The following CNOT1 variants were observed in gnomAD, a reference collection of about 807,000 sequenced individuals.
The protein encoded by CNOT1 is CCR4-NOT transcription complex subunit 1.
Under a neutral mutation model 273.8 loss-of-function variants are expected in CNOT1, and 15 were observed. The observed-to-expected ratio is 0.05, with a 90% CI of 0.04 to 0.08. CNOT1 has a LOEUF of 0.08. CNOT1 is among the 10% of genes least tolerant of loss of function. CNOT1 has a pLI of 1.00. For missense variants in CNOT1, 1,644 were observed against 2,912.2 expected (o/e 0.56, Z 10.02); for synonymous variants, 1,022 against 1,005.5 (o/e 1.02, Z -0.31).
chr16:58,534,028 G>A, intron 40 of CNOT1, 119 bp downstream of exon 40: 1 of 1,156,924 alleles, frequency 8.6e-7, no homozygotes, highest in Non-Finnish European at 1.1e-6. Flanking sequence ...AGGCACTCCA[G>A]CCTGGGTGAC....
At chr16:58,628,856 C>T (rs2043696452) in intron 1 of CNOT1, among the ~76,000 whole-genome samples, 1 of 152,200 alleles carries the variant, frequency 6.6e-6, no homozygotes. Context: ...TATCTGTGAG[C>T]CCTCTTGGGT....
intron 1 of CNOT1, among the ~76,000 whole-genome samples, chr16:58,616,856 T>A (rs2043104654): frequency 6.6e-6 from 1 of 152,188 alleles, no homozygotes; most frequent in African/African-American, 2.4e-5. Context: ...TGTGCCATTG[T>A]AAAACTAAAA....
Position 58,520,238 on chromosome 16 carries a change from G to GGGGGTGAGGGTA in CNOT1, c.*708_*719dup, listed in dbSNP as rs2039320815. ...TTTTTAAGTTTCAGGAGAGGATTGGGGGGGTGAGGGTAGGGGTGGGCTTTA... is the reference window on the plus strand; with the variant it reads ...TTTTTAAGTTTCAGGAGAGGATTGGGGGGGTGAGGGTAGGGGTGAGGGTAGGGGTGGGCTTTA... On this transcript the variant is annotated 3_prime_UTR_variant, in exon 49 of 49. Transcript: ENST00000317147. 1.1e-5 allele frequency: 1 copy of GGGGGTGAGGGTA among 94,542 alleles called. No individual in the cohort carries two copies. The highest frequency in any genetic ancestry group is 2.0e-5 in the Non-Finnish European group (1 of 50,286). 5.9% of individuals were successfully genotyped at this position (94,542 alleles called of 1,614,324 possible). A position where few individuals can be genotyped will look rare whatever the true frequency, so the allele number is the denominator to read the frequency against.
intron 46 of CNOT1, among the ~76,000 whole-genome samples, chr16:58,524,682 T>C (rs1383486968): frequency 6.6e-6 from 1 of 152,116 alleles, no homozygotes; most frequent in Non-Finnish European, 1.5e-5. Flanking sequence ...CTCTATTTTA[T>C]AAGATAAATA....
rs1336343029 is a variant in CNOT1 at position 58,588,848 on chromosome 16, T to C, written c.161A>G (p.His54Arg). Residue 54 changes from histidine to arginine, a missense_variant, in exon 3 of 49, where the codon CAT (histidine) becomes CGT (arginine). Coordinates refer to ENST00000317147, the MANE Select transcript of CNOT1 (RefSeq NM_016284.5). ...TTTACCATCGCCACTGAAATCCACATGCGAAAATAGGCAGCGTAATAAATG... is the reference window on the plus strand; with the variant it reads ...TTTACCATCGCCACTGAAATCCACACGCGAAAATAGGCAGCGTAATAAATG... The part of the protein sequence containing the change: ...DRHLLRCLFS[H>R]VDFSGDGKSS... 1.2e-6 allele frequency: 2 copies of C among 1,613,720 alleles called. No homozygotes were observed. The highest frequency in any genetic ancestry group is 1.7e-6 in the Non-Finnish European group (2 of 1,179,970).
At chr16:58,532,977 A>C (rs896742938) in intron 40 of CNOT1, 1 of 153,384 alleles carries the variant, frequency 6.5e-6, no homozygotes, top group Non-Finnish European at 1.5e-5. Context: ...CCAATGACTA[A>C]TATCACTCAT....
chr16:58,601,674 T>A (rs371571332), intron 1 of CNOT1, among the ~76,000 whole-genome samples: 1 of 148,240 alleles, frequency 6.7e-6, no homozygotes, highest in Admixed American at 6.9e-5. Flanking sequence ...GTATAAAGGA[T>A]ACATAGTTTT....
intron 15 of CNOT1, 75 bp downstream of exon 15, chr16:58,574,932 T>C: frequency 6.3e-7 from 1 of 1,577,888 alleles, no homozygotes; most frequent in Non-Finnish European, 8.6e-7. Flanking sequence ...CTGCACAAAT[T>C]TTAAAAGTTG....
intron 16 of CNOT1, among the ~76,000 whole-genome samples, chr16:58,563,614 C>T (rs1357893821): frequency 6.6e-6 from 1 of 152,146 alleles, no homozygotes; most frequent in African/African-American, 2.4e-5. Context: ...ACAAGAGGTC[C>T]TCTGAAGCTT....
chr16:58,558,437 A>T (rs1424304855), intron 18 of CNOT1, 36 bp downstream of exon 18: 2 of 1,611,818 alleles, frequency 1.2e-6, no homozygotes, highest in Non-Finnish European at 1.7e-6. Context: ...AGGCAAACTT[A>T]TGAATAATCC....
intron 10 of CNOT1, among the ~76,000 whole-genome samples, chr16:58,582,490 T>C (rs1053914725): frequency 6.6e-6 from 1 of 152,210 alleles, no homozygotes; most frequent in African/African-American, 2.4e-5. Context: ...TTCAATATTT[T>C]AGTAGAGGTA....
chr16:58,587,651 A>G, intron 4 of CNOT1, 129 bp downstream of exon 4: 2 of 1,178,648 alleles, frequency 1.7e-6, no homozygotes, highest in Non-Finnish European at 2.3e-6. Context: ...GTTACAAACT[A>G]TAAAAGACAC....
rs148602852 is a variant in CNOT1, at chr16:58,549,776, C to T, written c.3465G>A (p.Thr1155=). The T allele has an allele frequency of 1.2e-5, 19 of 1,613,578 alleles. No individual in the cohort carries two copies. Among genetic ancestry groups the T allele is most frequent in the African/African-American group, 5.3e-5 (4 of 74,870 alleles). Residue 1155 remains threonine, a synonymous_variant, in exon 25 of 49, where the codon ACG becomes ACA. Transcript: ENST00000317147. ...FHSLYSNFLD[T]LKNPEFNKMV... Reference sequence around the variant, plus strand: ...TCTTGTTAAATTCAGGATTCTTCAGCGTGTCAAGGAAGTTTGAATACAGGC... The same window carrying T: ...TCTTGTTAAATTCAGGATTCTTCAGTGTGTCAAGGAAGTTTGAATACAGGC...
rs566987815 is a variant in CNOT1 at position 58,572,214 on chromosome 16, C to T, written c.1979+2395G>A. ...AGGAGAATCACTTGAACCCAGGAGGCGGAGGGTTGCGGTGAGCCGAGATCA... is the reference window on the plus strand; with the variant it reads ...AGGAGAATCACTTGAACCCAGGAGGTGGAGGGTTGCGGTGAGCCGAGATCA... On this transcript the variant is annotated intron_variant, in intron 16 of 48. Transcript: ENST00000317147. Among the ~76,000 whole-genome samples, 9 of 151,070 alleles carry T rather than the reference C, an allele frequency of 6.0e-5. No homozygotes were observed. In the South Asian group the frequency reaches 1.9e-3, roughly 32 times the overall value.
intron 25 of CNOT1, 139 bp downstream of exon 25, chr16:58,549,580 G>C: frequency 7.3e-7 from 1 of 1,362,218 alleles, no homozygotes; most frequent in South Asian, 1.6e-5. Context: ...TTCCATATAA[G>C]AAACAAAATC....
chr16:58,555,648 T>C, intron 20 of CNOT1, 111 bp from the exon 21 acceptor site: 2 of 1,538,414 alleles, frequency 1.3e-6, no homozygotes, highest in East Asian at 2.3e-5. Flanking sequence ...CAAAAGAGCT[T>C]GAGACAAATA....
chr16:58,628,524 A>G (rs1346945228), intron 1 of CNOT1, among the ~76,000 whole-genome samples: 1 of 151,844 alleles, frequency 6.6e-6, no homozygotes. Context: ...CCCTATTCCT[A>G]TCAAAGGGGC....
chr16:58,523,596 G>T, intron 46 of CNOT1, 94 bp from the exon 47 acceptor site: 1 of 1,145,638 alleles, frequency 8.7e-7, no homozygotes, highest in Non-Finnish European at 1.2e-6. Flanking sequence ...TCTGACAGAG[G>T]CTTTCAAATT....
chr16:58,545,047 T>C (rs1453341577), intron 30 of CNOT1, among the ~76,000 whole-genome samples: 1 of 152,240 alleles, frequency 6.6e-6, no homozygotes, highest in African/African-American at 2.4e-5. Context: ...AATAAAAAGC[T>C]ATGATATACA....
Sources: gnomAD v4.1 joint callset for allele counts (sites outside exome capture counted in the v4.1 genomes callset) on GRCh38, gnomAD v4.1.1 for gene constraint, MANE v1.5 for transcripts, NCBI Gene and HGNC (gene_info 2026-07-23, HGNC 2026-07-21) for gene names.